The following MYOF variants were observed in gnomAD, a reference collection of about 807,000 sequenced individuals.
The protein encoded by MYOF is myoferlin.
MYOF carries 244 observed loss-of-function variants against 284.2 expected under a neutral mutation model. That is an observed-to-expected ratio of 0.86 (90% CI 0.77 to 0.95). MYOF has a LOEUF of 0.95. MYOF is among the 40% of genes least tolerant of loss of function. The pLI, the probability that MYOF is intolerant of heterozygous loss-of-function variation, is 0.00. For synonymous variants in MYOF, 904 were observed against 919.7 expected, an observed-to-expected ratio of 0.98 and a Z score of 0.31; for missense variants, 2,496 against 2,560.6, an observed-to-expected ratio of 0.97 and a Z score of 0.54.
At position 93,417,385 on chromosome 10, in the gene MYOF, C is replaced by G. The variant is rs74349020; in HGVS notation, c.434-7646G>C. ...TTTCCAGACGCTCAGCAGCAATATT[C>G]CTGCCAACTGCCCTTGTGTGCAGTC... On this transcript the variant is annotated intron_variant, in intron 5 of 53. Coordinates refer to ENST00000359263, the MANE Select transcript of MYOF (RefSeq NM_013451.4). Among the ~76,000 whole-genome samples, 434 of 152,276 alleles carry G rather than the reference C, an allele frequency of 2.9e-3. 21 individuals carry two copies. In the East Asian group the frequency reaches 0.075, roughly 26 times the overall value.
chr10:93,426,631 G>A (rs1319699493), intron 4 of MYOF, among the ~76,000 whole-genome samples: 1 of 152,200 alleles, frequency 6.6e-6, no homozygotes, highest in East Asian at 1.9e-4. Context: ...GCTCATGCCT[G>A]TAATCCTAGC....
intron 5 of MYOF, among the ~76,000 whole-genome samples, chr10:93,421,847 T>C (rs557771258): frequency 6.6e-6 from 1 of 152,254 alleles, no homozygotes; most frequent in Admixed American, 6.5e-5. Flanking sequence ...TATTCCTTTA[T>C]AGCAATGCAA....
At position 93,369,774 on chromosome 10, in the gene MYOF, A is replaced by T. The variant is rs539196009; in HGVS notation, c.2460T>A (p.Tyr820Ter). ...TTGGCCCGTTGTTTTTCTCCTGTGG[A>T]TACTGTGAGATGAACAATAGCATGT... The part of the protein sequence containing the change: ...CGKTQTIFLK[Y>*]PQEKNNGPKV... The change falls in exon 25 of 54, where the codon TAT becomes TAA. Residue 820 changes from tyrosine to a stop codon, truncating the protein, a stop_gained and splice_region_variant. Transcript: ENST00000359263. LOFTEE classifies it high-confidence loss of function. The T allele has an allele frequency of 5.0e-6, 8 of 1,614,168 alleles. No individual in the cohort carries two copies. The highest frequency in any genetic ancestry group is 3.3e-5 in the Admixed American group (2 of 60,014).
At chr10:93,392,515 C>T (rs1846748217) in intron 17 of MYOF, among the ~76,000 whole-genome samples, 1 of 152,104 alleles carries the variant, frequency 6.6e-6, no homozygotes, top group South Asian at 2.1e-4. Flanking sequence ...AAGTAAAAAA[C>T]GTTCAGTATT....
chr10:93,421,853 T>C (rs941966589), intron 5 of MYOF, among the ~76,000 whole-genome samples: 2 of 152,104 alleles, frequency 1.3e-5, no homozygotes, highest in Non-Finnish European at 2.9e-5. Flanking sequence ...TTTATAGCAA[T>C]GCAAACAGAC....
chr10:93,419,615 T>C (rs2134165728), intron 5 of MYOF, among the ~76,000 whole-genome samples: 1 of 152,338 alleles, frequency 6.6e-6, no homozygotes, highest in South Asian at 2.1e-4. Context: ...AGAGTTGCAA[T>C]ACACAGCTGA....
chr10:93,351,657 C>A lies in MYOF; in HGVS notation c.3663+8G>T, dbSNP rs776759508. On this transcript the variant is annotated splice_region_variant and intron_variant, in intron 33 of 53. Transcript: ENST00000359263. ...CCCAAGTTATCTTAGAAATTCTAAA[C>A]GACCTACCACTTGGTCATTGTCAAA... 3.1e-6 allele frequency: 5 copies of A among 1,587,890 alleles called. No individual in the cohort carries two copies. Among genetic ancestry groups the A allele is most frequent in the Admixed American group, 1.8e-5 (1 of 55,400 alleles).
intron 3 of MYOF, among the ~76,000 whole-genome samples, chr10:93,434,837 TA>T (rs1020753656): frequency 2.0e-5 from 3 of 152,172 alleles, no homozygotes; most frequent in Non-Finnish European, 4.4e-5. Context: ...CTTAGATTTT[TA>T]TTCCCGTGAC....
chr10:93,406,288 T>TTATACATA (rs1554855589), intron 7 of MYOF, among the ~76,000 whole-genome samples: 6 of 58,128 alleles, frequency 1.0e-4, no homozygotes, highest in Non-Finnish European at 1.7e-4. Context: ...TAAACCTCTT[T>TTATACATA]TATATATATA....
intron 1 of MYOF, among the ~76,000 whole-genome samples, chr10:93,463,883 AAAAG>A (rs1435119446): frequency 1.4e-5 from 2 of 148,130 alleles, no homozygotes; most frequent in African/African-American, 2.5e-5. Context: ...AAAAAAAAAA[AAAAG>A]GCCTGAAAGA....
intron 5 of MYOF, among the ~76,000 whole-genome samples, chr10:93,420,090 T>G (rs1426044320): frequency 6.6e-6 from 1 of 152,128 alleles, no homozygotes; most frequent in Non-Finnish European, 1.5e-5. Context: ...CTGAGATCAC[T>G]GGGCAACAGA....
intron 29 of MYOF, among the ~76,000 whole-genome samples, chr10:93,357,958 T>G (rs1375080082): frequency 1.3e-5 from 2 of 152,140 alleles, no homozygotes; most frequent in South Asian, 4.2e-4. Context: ...TAGAGAGACA[T>G]TCATTAAACT....
chr10:93,344,070 CAA>C, intron 37 of MYOF, 138 bp from the exon 38 acceptor site: 1 of 806,048 alleles, frequency 1.2e-6, no homozygotes. Context: ...ATAGAGAGGA[CAA>C]CTCCTGAATG....
chr10:93,421,493 C>A (rs988177128), intron 5 of MYOF, among the ~76,000 whole-genome samples: 7 of 152,140 alleles, frequency 4.6e-5, no homozygotes, highest in African/African-American at 1.4e-4. Flanking sequence ...TCTGTCCCCT[C>A]GAAATCTTAT....
intron 5 of MYOF, among the ~76,000 whole-genome samples, chr10:93,416,027 A>G (rs1399351446): frequency 6.6e-6 from 1 of 152,188 alleles, no homozygotes; most frequent in Non-Finnish European, 1.5e-5. Flanking sequence ...CTAGTCCACC[A>G]AAACTGCTCT....
chr10:93,347,566 A>AAAAAAG, intron 37 of MYOF, 51 bp downstream of exon 37: 2 of 1,221,894 alleles, frequency 1.6e-6, no homozygotes, highest in Non-Finnish European at 1.1e-6. Context: ...CTCAAAAAAA[A>AAAAAAG]AAAAAAAAAA....
At chr10:93,401,389 T>C in intron 12 of MYOF, 29 bp downstream of exon 12, 1 of 1,610,322 alleles carries the variant, frequency 6.2e-7, no homozygotes, top group Non-Finnish European at 8.5e-7. Flanking sequence ...TAATCAACAA[T>C]TCTGGGGCAA....
At chr10:93,380,995 G>A (rs1846083366) in intron 20 of MYOF, among the ~76,000 whole-genome samples, 1 of 152,200 alleles carries the variant, frequency 6.6e-6, no homozygotes, top group Non-Finnish European at 1.5e-5. Context: ...GGAGAGGGTA[G>A]CATTGGGGTT....
chr10:93,434,557 T>C (rs573890180), intron 3 of MYOF, among the ~76,000 whole-genome samples: 1 of 152,116 alleles, frequency 6.6e-6, no homozygotes, highest in African/African-American at 2.4e-5. Flanking sequence ...TCTCAGTCAA[T>C]GCTGAGAATT....
Sources: allele counts gnomAD v4.1 joint callset (sites outside exome capture counted in the v4.1 genomes callset), GRCh38; gene constraint gnomAD v4.1.1; transcripts MANE v1.5; gene names NCBI Gene and HGNC (gene_info 2026-07-23, HGNC 2026-07-21).